Variants in SEM1 observed in about 807,000 individuals in gnomAD.
SEM1 encodes the protein 26S proteasome complex subunit SEM1.
SEM1 carries 3 observed loss-of-function variants against 12.7 expected under a neutral mutation model. That is an observed-to-expected ratio of 0.24 (90% confidence interval 0.11 to 0.61). SEM1 has a LOEUF of 0.61. SEM1 is among the 20% of genes least tolerant of loss of function. The probability of loss-of-function intolerance (pLI) is 0.88; values close to 1 mark genes in which losing one functional copy is unlikely to be tolerated. For synonymous variants in SEM1, 30 were observed against 27.8 expected (o/e 1.08, Z -0.25); for missense variants, 59 against 81.3 (o/e 0.73, Z 1.06).
intron 2 of SEM1, among the ~76,000 whole-genome samples, chr7:96,682,699 G>A (rs1440175455): frequency 6.6e-6 from 1 of 152,000 alleles, no homozygotes; most frequent in African/African-American, 2.4e-5. Context: ...AAGAGCTTCT[G>A]CACAGCAAAA....
At chr7:96,507,261 T>C (rs1803782892) in intron 2 of SEM1, among the ~76,000 whole-genome samples, 3 of 152,072 alleles carry the variant, frequency 2.0e-5, no homozygotes, top group African/African-American at 2.4e-5. Flanking sequence ...ATCCATATAG[T>C]TGAGAATTAC....
intron 2 of SEM1, among the ~76,000 whole-genome samples, chr7:96,639,998 A>T (rs1396761057): frequency 6.6e-6 from 1 of 152,134 alleles, no homozygotes; most frequent in South Asian, 2.1e-4. Flanking sequence ...ATAAATGCAA[A>T]TTAAAACAGC....
At chr7:96,585,655 G>T (rs1179375639) in intron 2 of SEM1, among the ~76,000 whole-genome samples, 1 of 152,222 alleles carries the variant, frequency 6.6e-6, no homozygotes, top group Non-Finnish European at 1.5e-5. Flanking sequence ...CCAGGTGCGG[G>T]ATATAATCTC....
At chr7:96,580,562 T>G (rs985921927) in intron 2 of SEM1, among the ~76,000 whole-genome samples, 104 of 152,026 alleles carry the variant, frequency 6.8e-4, no homozygotes, top group African/African-American at 2.3e-3. Flanking sequence ...TCCACAATGG[T>G]TGAACTAGTT....
At chr7:96,543,208 A>C (rs1805007611) in intron 2 of SEM1, among the ~76,000 whole-genome samples, 1 of 152,010 alleles carries the variant, frequency 6.6e-6, no homozygotes, top group Admixed American at 6.6e-5. Flanking sequence ...TTTTTGTGTC[A>C]TATTCCCTAA....
At chr7:96,530,783 C>T (rs1006357945) in intron 2 of SEM1, among the ~76,000 whole-genome samples, 5 of 152,018 alleles carry the variant, frequency 3.3e-5, no homozygotes, top group Non-Finnish European at 5.9e-5. Flanking sequence ...TTCAAAACAT[C>T]TGAGAAGGAT....
intron 2 of SEM1, among the ~76,000 whole-genome samples, chr7:96,578,309 G>A (rs750309718): frequency 2.6e-4 from 39 of 151,406 alleles, no homozygotes; most frequent in African/African-American, 7.0e-4. Context: ...ATTTAGATAC[G>A]CAATGAAACT....
chr7:96,675,297 A>G (rs537242566), intron 2 of SEM1, among the ~76,000 whole-genome samples: 1 of 152,312 alleles, frequency 6.6e-6, no homozygotes, highest in Admixed American at 6.5e-5. Flanking sequence ...GTATTTCACT[A>G]TGAACTGTCA....
At chr7:96,594,775 G>A (rs973192986) in intron 2 of SEM1, among the ~76,000 whole-genome samples, 1 of 151,932 alleles carries the variant, frequency 6.6e-6, no homozygotes, top group African/African-American at 2.4e-5. Context: ...ATCTATTAAT[G>A]TATTACAAAA....
chr7:96,631,425 T>C (rs910223410), intron 2 of SEM1, among the ~76,000 whole-genome samples: 2 of 152,142 alleles, frequency 1.3e-5, no homozygotes, highest in African/African-American at 4.8e-5. Flanking sequence ...TGCCTCATAA[T>C]TACTGCACTC....
chr7:96,511,008 G>A (rs777196701), intron 2 of SEM1, among the ~76,000 whole-genome samples: 2 of 152,096 alleles, frequency 1.3e-5, no homozygotes, highest in Non-Finnish European at 1.5e-5. Flanking sequence ...GCAGCCACTG[G>A]AACCACCATC....
chr7:96,691,367 A>G (rs1307342013), intron 2 of SEM1, among the ~76,000 whole-genome samples: 4 of 152,150 alleles, frequency 2.6e-5, no homozygotes, highest in African/African-American at 9.7e-5. Context: ...CTTAAACGTT[A>G]TAATAACTCT....
chr7:96,644,491 G>A (rs1181857453), intron 2 of SEM1, among the ~76,000 whole-genome samples: 6 of 152,134 alleles, frequency 3.9e-5, no homozygotes, highest in Non-Finnish European at 8.8e-5. Flanking sequence ...ACTGCAAGAG[G>A]TCAGGTCTCC....
intron 2 of SEM1, among the ~76,000 whole-genome samples, chr7:96,568,734 A>T (rs1805928534): frequency 2.0e-5 from 3 of 151,988 alleles, no homozygotes; most frequent in Middle Eastern, 3.4e-3. Context: ...ACATTTAAAA[A>T]TTTTTTATAA....
intron 2 of SEM1, among the ~76,000 whole-genome samples, chr7:96,643,554 C>T (rs1459013687): frequency 2.0e-5 from 3 of 151,824 alleles, no homozygotes; most frequent in African/African-American, 7.3e-5. Context: ...TGGAACCAAC[C>T]CAAATGTCCA....
intron 2 of SEM1, among the ~76,000 whole-genome samples, chr7:96,574,290 A>G (rs1002256590): frequency 6.6e-6 from 1 of 152,190 alleles, no homozygotes; most frequent in Non-Finnish European, 1.5e-5. Flanking sequence ...GCTGCATAGT[A>G]TTCCATGGTG....
intron 1 of SEM1, among the ~76,000 whole-genome samples, chr7:96,489,372 T>C (rs931859996): frequency 6.6e-6 from 1 of 152,102 alleles, no homozygotes; most frequent in African/African-American, 2.4e-5. Context: ...AATTTTTAAT[T>C]TGGGAAGCCT....
At chr7:96,682,128 T>C (rs1268135277) in intron 2 of SEM1, among the ~76,000 whole-genome samples, 1 of 152,124 alleles carries the variant, frequency 6.6e-6, no homozygotes, top group African/African-American at 2.4e-5. Context: ...GTCCTAGGTA[T>C]TTTATTCTCT....
intron 2 of SEM1, among the ~76,000 whole-genome samples, chr7:96,552,220 T>C (rs1415371423): frequency 6.6e-6 from 1 of 151,932 alleles, no homozygotes; most frequent in African/African-American, 2.4e-5. Flanking sequence ...CTTTAAGTTT[T>C]AGGGTACATG....
Sources: gnomAD v4.1 joint callset for allele counts (sites outside exome capture counted in the v4.1 genomes callset) on GRCh38, gnomAD v4.1.1 for gene constraint, MANE v1.5 for transcripts, NCBI Gene and HGNC (gene_info 2026-07-23, HGNC 2026-07-21) for gene names.